CSNK2A2IP: variants seen among roughly 807,000 people sequenced by gnomAD.
The protein encoded by CSNK2A2IP is casein kinase II subunit alpha'-interacting protein.
chr3:88,391,130 C>T, the CSNK2A2IP span, among the ~76,000 whole-genome samples: 2 of 152,128 alleles, frequency 1.3e-5, no homozygotes, highest in African/African-American at 4.8e-5. Flanking sequence ...AAGTGAAGAG[C>T]CTATGTTTAT....
the CSNK2A2IP span, among the ~76,000 whole-genome samples, chr3:88,413,732 T>C: frequency 1.3e-5 from 2 of 151,952 alleles, no homozygotes; most frequent in Non-Finnish European, 1.5e-5. Context: ...GTGTTTTTAA[T>C]ATTTTTCAAA....
At chr3:88,382,714 C>T in the CSNK2A2IP span, 1 of 152,166 alleles carries the variant, frequency 6.6e-6, no homozygotes, top group African/African-American at 2.4e-5. Flanking sequence ...AGATATTAAT[C>T]ATAGGCTTAT....
the CSNK2A2IP span, chr3:88,467,091 G>A: frequency 1.5e-5 from 10 of 658,664 alleles, no homozygotes; most frequent in East Asian, 1.0e-4. Flanking sequence ...TATGGTGGGC[G>A]GTAGCCCCCG....
chr3:88,453,884 A>T, the CSNK2A2IP span, among the ~76,000 whole-genome samples: 1 of 152,124 alleles, frequency 6.6e-6, no homozygotes, highest in East Asian at 1.9e-4. Flanking sequence ...TGACTATTCA[A>T]AAAAGCTGCG....
At chr3:88,349,246 C>T in the CSNK2A2IP span, among the ~76,000 whole-genome samples, 2 of 151,850 alleles carry the variant, frequency 1.3e-5, no homozygotes, top group Non-Finnish European at 2.9e-5. Context: ...AAGAAGTGTG[C>T]ACTGTACTCA....
At chr3:88,343,993 C>T in the CSNK2A2IP span, among the ~76,000 whole-genome samples, 8 of 151,978 alleles carry the variant, frequency 5.3e-5, no homozygotes, top group African/African-American at 1.9e-4. Context: ...AATTCTGACA[C>T]CTATCATTTA....
chr3:88,461,061 T>A, the CSNK2A2IP span, among the ~76,000 whole-genome samples: 3 of 149,174 alleles, frequency 2.0e-5, no homozygotes. Flanking sequence ...CACTCCGACA[T>A]GGGCAACAAG....
At chr3:88,364,685 C>A in the CSNK2A2IP span, among the ~76,000 whole-genome samples, 4 of 152,058 alleles carry the variant, frequency 2.6e-5, no homozygotes, top group African/African-American at 9.7e-5. Context: ...ATTTTAAGGC[C>A]TGAAATTAAT....
chr3:88,366,755 C>T, the CSNK2A2IP span, among the ~76,000 whole-genome samples: 2 of 152,044 alleles, frequency 1.3e-5, no homozygotes, highest in South Asian at 2.1e-4. Context: ...TAAATAGGGG[C>T]ATGTATTAGT....
At chr3:88,418,021 A>G in the CSNK2A2IP span, among the ~76,000 whole-genome samples, 5 of 152,330 alleles carry the variant, frequency 3.3e-5, no homozygotes, top group African/African-American at 9.6e-5. Flanking sequence ...ATGATACTGT[A>G]TATGATTTGA....
the CSNK2A2IP span, among the ~76,000 whole-genome samples, chr3:88,460,945 G>T: frequency 1.6e-4 from 24 of 152,088 alleles, no homozygotes; most frequent in East Asian, 7.8e-4. Context: ...AAATTAGCTG[G>T]GCGTGGTGGT....
At chr3:88,429,535 CT>C in the CSNK2A2IP span, among the ~76,000 whole-genome samples, 1 of 152,098 alleles carries the variant, frequency 6.6e-6, no homozygotes, top group Non-Finnish European at 1.5e-5. Context: ...GTTTGTAAGC[CT>C]CAAAATTACT....
chr3:88,416,025 C>T, the CSNK2A2IP span, among the ~76,000 whole-genome samples: 1 of 151,914 alleles, frequency 6.6e-6, no homozygotes, highest in African/African-American at 2.4e-5. Flanking sequence ...AATCCCAGCA[C>T]TTTGGGAGGC....
chr3:88,346,614 T>C, the CSNK2A2IP span, among the ~76,000 whole-genome samples: 1 of 151,978 alleles, frequency 6.6e-6, no homozygotes, highest in East Asian at 1.9e-4. Context: ...TACAGGGTGA[T>C]TTATTGAATA....
chr3:88,407,825 G>A, the CSNK2A2IP span, among the ~76,000 whole-genome samples: 1 of 151,994 alleles, frequency 6.6e-6, no homozygotes, highest in African/African-American at 2.4e-5. Context: ...CCAGGTTCAA[G>A]TAATTCTCCC....
At chr3:88,426,889 T>TGGG in the CSNK2A2IP span, among the ~76,000 whole-genome samples, 1,952 of 123,388 alleles carry the variant, frequency 0.016, 25 homozygotes, top group Non-Finnish European at 0.021. Context: ...CCACGGGGGA[T>TGGG]GGGGGGGGGC....
At chr3:88,373,616 A>C in the CSNK2A2IP span, among the ~76,000 whole-genome samples, 21 of 144,464 alleles carry the variant, frequency 1.5e-4, no homozygotes, top group Non-Finnish European at 2.9e-4. Context: ...AAAAAAAAAA[A>C]AGGAAATAAT....
At chr3:88,452,908 T>C in the CSNK2A2IP span, among the ~76,000 whole-genome samples, 1 of 152,280 alleles carries the variant, frequency 6.6e-6, no homozygotes, top group Non-Finnish European at 1.5e-5. Context: ...TGTGTAGGAA[T>C]ACATATCAAT....
the CSNK2A2IP span, among the ~76,000 whole-genome samples, chr3:88,404,364 G>T: frequency 6.6e-6 from 1 of 152,080 alleles, no homozygotes. Flanking sequence ...AGAGACTGCG[G>T]TAATAAGAAA....
Sources: gnomAD v4.1 joint callset for allele counts (sites outside exome capture counted in the v4.1 genomes callset) on GRCh38, gnomAD v4.1.1 for gene constraint, MANE v1.5 for transcripts, NCBI Gene and HGNC (gene_info 2026-07-23, HGNC 2026-07-21) for gene names.